Variants in SCN1A observed in about 807,000 individuals in gnomAD.
SCN1A encodes sodium channel protein type 1 subunit alpha.
Under a neutral mutation model 193.7 loss-of-function variants are expected in SCN1A, and 13 were observed. The ratio of observed to expected loss-of-function variants is 0.07; its 90% confidence interval spans 0.04 to 0.11. SCN1A has a LOEUF of 0.11. Among genes scored for constraint, SCN1A ranks in the 10% least tolerant of loss-of-function variants. SCN1A has a pLI of 1.00. For missense variants in SCN1A, 1,432 were observed against 2,451.1 expected (o/e 0.58, Z 8.78); for synonymous variants, 781 against 843.6 (o/e 0.93, Z 1.29).
At chr2:166,148,399 C>G (rs1473999004) in intron 1 of SCN1A, among the ~76,000 whole-genome samples, 1 of 152,128 alleles carries the variant, frequency 6.6e-6, no homozygotes, top group East Asian at 1.9e-4. Context: ...ATTGTTTCTA[C>G]TTTTACCCAT....
In SCN1A at chr2:165,990,969, G is replaced by A. The variant is rs1197017042; in HGVS notation, c.*276C>T. Reference sequence around the variant, plus strand: ...CACAGGTTTGCACCCCTTGAAACTGGTCCCTACAGTCTGACTAGCCATTGT... The same window carrying A: ...CACAGGTTTGCACCCCTTGAAACTGATCCCTACAGTCTGACTAGCCATTGT... On this transcript the variant is annotated 3_prime_UTR_variant, in exon 29 of 29. Transcript: ENST00000674923. 8 of 423,516 alleles carry A rather than the reference G, an allele frequency of 1.9e-5. No individual in the cohort carries two copies. The highest frequency in any genetic ancestry group is 1.5e-4 in the South Asian group (5 of 33,112). 26.2% of individuals were successfully genotyped at this position (423,516 alleles called of 1,614,324 possible).
chr2:166,084,226 T>C (rs545537463), intron 2 of SCN1A, among the ~76,000 whole-genome samples: 1 of 150,578 alleles, frequency 6.6e-6, no homozygotes, highest in African/African-American at 2.4e-5. Flanking sequence ...TTCTTTTTTT[T>C]TTTTTTTTTG....
chr2:166,042,705 T>C (rs1440471912), intron 14 of SCN1A, among the ~76,000 whole-genome samples: 2 of 152,236 alleles, frequency 1.3e-5, no homozygotes, highest in East Asian at 3.8e-4. Context: ...TCTTAAGAGA[T>C]ATATTTAACA....
intron 2 of SCN1A, among the ~76,000 whole-genome samples, chr2:166,103,193 G>A (rs937635961): frequency 1.3e-5 from 2 of 152,112 alleles, no homozygotes; most frequent in Non-Finnish European, 2.9e-5. Context: ...GCTCACGCCT[G>A]TAATCCCAGC....
In SCN1A at chr2:166,042,552, G is replaced by A. The variant is rs139299562; in HGVS notation, c.2044-128C>T. 92 of 848,436 alleles carry A rather than the reference G, an allele frequency of 1.1e-4. No homozygotes were observed. In the African/African-American group the frequency reaches 1.5e-3, roughly 14 times the overall value. The allele number at this position is 848,436 out of a possible 1,614,324, so 52.6% of individuals were successfully genotyped here. On this transcript the variant is annotated intron_variant, in intron 14 of 28. Transcript: ENST00000674923. The stretch of plus-strand genomic sequence containing the variant: ...GCACTTTCATATTCAATTGGTGATG[G>A]CAGATATTTCTGACTTATTGTATCA...
intron 28 of SCN1A, chr2:165,993,863 T>C (rs1689632047): frequency 4.1e-6 from 2 of 484,868 alleles, no homozygotes; most frequent in Admixed American, 3.6e-5. Context: ...AATCTCAACA[T>C]GTCAAAAACA....
At position 166,036,039 on chromosome 2, in the gene SCN1A, G is replaced by A. The variant is rs1300011718; in HGVS notation, c.3429+9C>T. ...GTATTCATACCTTCCCACACCTATA[G>A]AATCTTACCTCTTTGCTTTCTTCCA... is the stretch of plus-strand genomic sequence containing the variant. On this transcript the variant is annotated intron_variant, in intron 19 of 28. Coordinates refer to ENST00000674923, the MANE Select transcript of SCN1A (RefSeq NM_001165963.4). 3 of 1,612,926 alleles carry A rather than the reference G, an allele frequency of 1.9e-6. No homozygotes were observed. The highest frequency in any genetic ancestry group is 1.7e-6 in the Non-Finnish European group (2 of 1,179,598).
At chr2:165,999,343 T>C (rs940669213) in intron 25 of SCN1A, among the ~76,000 whole-genome samples, 1 of 151,490 alleles carries the variant, frequency 6.6e-6, no homozygotes, top group Non-Finnish European at 1.5e-5. Flanking sequence ...CTGTCTAATA[T>C]GGAGGGTGAC....
chr2:165,993,813 T>C, intron 28 of SCN1A: 1 of 346,620 alleles, frequency 2.9e-6, no homozygotes, highest in Non-Finnish European at 5.2e-6. Flanking sequence ...ACATTTCTAG[T>C]CTTGTTAACA....
intron 1 of SCN1A, among the ~76,000 whole-genome samples, chr2:166,145,962 G>A (rs1221200593): frequency 1.3e-5 from 2 of 152,148 alleles, no homozygotes; most frequent in Non-Finnish European, 2.9e-5. Context: ...GGGAGGGGAT[G>A]AGGAGCAGAG....
At chr2:166,074,883 A>G (rs1409621898) in intron 3 of SCN1A, among the ~76,000 whole-genome samples, 1 of 152,172 alleles carries the variant, frequency 6.6e-6, no homozygotes, top group African/African-American at 2.4e-5. Context: ...GTTTATAACC[A>G]TATTTTTCAG....
chr2:166,002,780 A>C (rs1256949637), intron 23 of SCN1A, 27 bp from the exon 24 acceptor site: 1 of 1,591,984 alleles, frequency 6.3e-7, no homozygotes, highest in East Asian at 2.2e-5. Context: ...AAAAAAGAAA[A>C]GTCAGAATTC....
chr2:165,996,074 T>C lies in SCN1A; in HGVS notation c.4520A>G (p.Tyr1507Cys). ...DIFMTEEQKK[Y>C]YNAMKKLGSK... ...TCCTAATTTTTTCATTGCATTATAG[T>C]ATTTCTTCTGTTCTTCTGTCATAAA... is the stretch of plus-strand genomic sequence containing the variant. The change falls in exon 27 of 29, where the codon TAC becomes TGC. Residue 1507 changes from tyrosine (Y) to cysteine (C), a missense_variant. This residue lies in a region of SCN1A where 85 missense variants were observed against 119.1 expected (regional missense o/e 0.71). Coordinates refer to ENST00000674923, the MANE Select transcript of SCN1A (RefSeq NM_001165963.4). 6.2e-7 allele frequency: 1 copy of C among 1,609,656 alleles called. No homozygotes were observed. Among genetic ancestry groups the C allele is most frequent in the Non-Finnish European group, 8.5e-7 (1 of 1,177,006 alleles).
downstream of SCN1A, chr2:165,985,484 T>G (rs940007546): frequency 6.6e-6 from 1 of 152,002 alleles, no homozygotes; most frequent in African/African-American, 2.4e-5. Flanking sequence ...TATTTTTCAC[T>G]GGATAGGAAA....
At chr2:166,006,925 G>A (rs13009555) in intron 23 of SCN1A, among the ~76,000 whole-genome samples, 3 of 150,984 alleles carry the variant, frequency 2.0e-5, no homozygotes, top group African/African-American at 2.4e-5. Flanking sequence ...AGGGTCCCCC[G>A]CCCTCACCAA....
chr2:166,106,820 C>G lies in SCN1A; in HGVS notation c.-142+20104G>C, dbSNP rs762869894. ...GTAGCATTAGAACCAGGAAGAGAAG[C>G]CCCTTCCTCCTGCAGTGACCCTTCA... is the stretch of plus-strand genomic sequence containing the variant. On this transcript the variant is annotated intron_variant, in intron 2 of 28. Transcript: ENST00000674923. Among the ~76,000 whole-genome samples the G allele has an allele frequency of 2.6e-5, 4 of 152,066 alleles. 1 individual carries two copies. The highest frequency in any genetic ancestry group is 6.3e-3 in the Middle Eastern group (2 of 316).
At chr2:166,068,081 G>T (rs1429353808) in intron 4 of SCN1A, among the ~76,000 whole-genome samples, 2 of 152,192 alleles carry the variant, frequency 1.3e-5, no homozygotes, top group Non-Finnish European at 2.9e-5. Flanking sequence ...GGAAGAGCCA[G>T]CCTGCAAATG....
chr2:166,038,244 C>T (rs1696705055), intron 17 of SCN1A, 112 bp from the exon 18 acceptor site: 2 of 860,352 alleles, frequency 2.3e-6, no homozygotes, highest in Middle Eastern at 3.4e-4. Flanking sequence ...ATCTGATCTG[C>T]CCTAACCGTC....
intron 2 of SCN1A, among the ~76,000 whole-genome samples, chr2:166,101,678 G>T (rs538564162): frequency 1.3e-5 from 2 of 152,068 alleles, no homozygotes; most frequent in Non-Finnish European, 2.9e-5. Context: ...CTAACCATAC[G>T]CAGAAGATTG....
Sources: gnomAD v4.1 joint callset for allele counts (sites outside exome capture counted in the v4.1 genomes callset) on GRCh38, gnomAD v4.1.1 for gene constraint, gnomAD v4.1.1 regional missense constraint, MANE v1.5 for transcripts, NCBI Gene and HGNC (gene_info 2026-07-23, HGNC 2026-07-21) for gene names.